Variants in UBASH3B observed in about 807,000 individuals in gnomAD.
UBASH3B encodes ubiquitin-associated and SH3 domain-containing protein B.
In UBASH3B, 37 loss-of-function variants were observed where a neutral mutation model predicts 83.4. The ratio of observed to expected loss-of-function variants is 0.44; its 90% CI spans 0.34 to 0.58. UBASH3B has a LOEUF of 0.58. Among genes scored for constraint, UBASH3B ranks in the 20% least tolerant of loss-of-function variants. UBASH3B has a pLI of 0.01. For missense variants in UBASH3B, 657 were observed against 827.2 expected (o/e 0.79, Z 2.52); for synonymous variants, 304 against 318.3 (o/e 0.96, Z 0.48).
At chr11:122,789,028 A>G (rs1782022164) in intron 5 of UBASH3B, 72 bp from the exon 6 acceptor site, 1 of 1,387,238 alleles carries the variant, frequency 7.2e-7, no homozygotes, top group Non-Finnish European at 1.0e-6. Context: ...TGCAGAACAT[A>G]CAGTCCTGCC....
chr11:122,786,673 T>A (rs921746200), intron 5 of UBASH3B, among the ~76,000 whole-genome samples: 1 of 152,062 alleles, frequency 6.6e-6, no homozygotes, highest in Admixed American at 6.5e-5. Flanking sequence ...AAAAAAGAGT[T>A]CTTACAAGTA....
intron 1 of UBASH3B, among the ~76,000 whole-genome samples, chr11:122,684,412 G>C (rs916807175): frequency 6.6e-6 from 1 of 152,206 alleles, no homozygotes; most frequent in South Asian, 2.1e-4. Context: ...TGAAAATGCT[G>C]TGTGTACTTA....
At chr11:122,671,896 GT>G (rs1565523802) in intron 1 of UBASH3B, among the ~76,000 whole-genome samples, 1 of 152,064 alleles carries the variant, frequency 6.6e-6, no homozygotes, top group Admixed American at 6.5e-5. Context: ...AGTATGTGAA[GT>G]TTTTTTTGGT....
At chr11:122,801,435 A>T in intron 11 of UBASH3B, 103 bp downstream of exon 11, 9 of 1,353,866 alleles carry the variant, frequency 6.6e-6, no homozygotes, top group Non-Finnish European at 9.1e-6. Context: ...CATCACCTAC[A>T]GGCAGTTGTC....
chr11:122,716,959 C>T (rs1860536046), intron 1 of UBASH3B, among the ~76,000 whole-genome samples: 1 of 152,136 alleles, frequency 6.6e-6, no homozygotes, highest in Admixed American at 6.6e-5. Flanking sequence ...TCCCCTTCTC[C>T]CGTCCTGTCT....
intron 1 of UBASH3B, among the ~76,000 whole-genome samples, chr11:122,676,183 C>T (rs1591764103): frequency 6.6e-6 from 1 of 152,246 alleles, no homozygotes; most frequent in Non-Finnish European, 1.5e-5. Context: ...AAGAGGATCG[C>T]TTTGAGCCCA....
rs764248015 is a variant in UBASH3B at position 122,796,287 on chromosome 11, G to C, written c.1234+11G>C. ...GCTTCGATGCCAAAGGTGAGTTGGT[G>C]GTGGGCCTGCTCAGCACTGCCATAC... On this transcript the variant is annotated intron_variant, in intron 8 of 13. Coordinates refer to ENST00000284273, the MANE Select transcript of UBASH3B (RefSeq NM_032873.5). 1 of 1,613,768 alleles carries C rather than the reference G, an allele frequency of 6.2e-7. No homozygotes were observed. Among genetic ancestry groups the C allele is most frequent in the Non-Finnish European group, 8.5e-7 (1 of 1,179,828 alleles).
intron 1 of UBASH3B, among the ~76,000 whole-genome samples, chr11:122,725,063 C>T (rs867761122): frequency 1.4e-5 from 2 of 147,922 alleles, no homozygotes; most frequent in Non-Finnish European, 3.0e-5. Flanking sequence ...CCCCACCCCC[C>T]GATTCAATCA....
chr11:122,716,107 A>C (rs1860520949), intron 1 of UBASH3B, among the ~76,000 whole-genome samples: 1 of 152,226 alleles, frequency 6.6e-6, no homozygotes, highest in Non-Finnish European at 1.5e-5. Context: ...GTGGGGGCAG[A>C]AAAACTGCAC....
chr11:122,673,712 A>T (rs1863629834), intron 1 of UBASH3B, among the ~76,000 whole-genome samples: 1 of 152,156 alleles, frequency 6.6e-6, no homozygotes, highest in Non-Finnish European at 1.5e-5. Flanking sequence ...GCAATTTCTG[A>T]TGATGGAGAG....
In UBASH3B at chr11:122,758,447, C is replaced by T. The variant is rs1272130386; in HGVS notation, c.162-17772C>T. Among the ~76,000 whole-genome samples, 2 of 152,198 alleles carry T rather than the reference C, an allele frequency of 1.3e-5. No individual in the cohort carries two copies. The highest frequency in any genetic ancestry group is 4.8e-5 in the African/African-American group (2 of 41,442). ...CCAGGAACTGTTTTACCAAAAGATT[C>T]CCTCCAGGAGCTTCCCAGACAGGCC... On this transcript the variant is annotated intron_variant, in intron 1 of 13. Coordinates refer to ENST00000284273, the MANE Select transcript of UBASH3B (RefSeq NM_032873.5). The surrounding 1 kb of genome is among the most constrained non-coding windows in gnomAD (Gnocchi z 4.2).
intron 1 of UBASH3B, among the ~76,000 whole-genome samples, chr11:122,764,574 C>T (rs1324914528): frequency 6.6e-6 from 1 of 152,236 alleles, no homozygotes; most frequent in Non-Finnish European, 1.5e-5. Context: ...CTTAGCTATT[C>T]CCCCAAGGCT....
intron 1 of UBASH3B, among the ~76,000 whole-genome samples, chr11:122,720,706 G>C (rs1186535988): frequency 6.6e-6 from 1 of 152,098 alleles, no homozygotes; most frequent in Non-Finnish European, 1.5e-5. Flanking sequence ...CTTCCAGGAA[G>C]GCTCTTCACA....
chr11:122,729,174 G>T (rs928026986), intron 1 of UBASH3B, among the ~76,000 whole-genome samples: 1 of 152,206 alleles, frequency 6.6e-6, no homozygotes. Flanking sequence ...TCTCTGACTA[G>T]GACTGCGGAG....
At position 122,744,911 on chromosome 11, in the gene UBASH3B, G is replaced by A. The variant is rs767755951; in HGVS notation, c.162-31308G>A. On this transcript the variant is annotated intron_variant, in intron 1 of 13. Transcript: ENST00000284273. ...TGTGTGTGTGTGTGCGCGCGCGCGC[G>A]CACTTGGGCACGTGAGTGTGCCGCA... is the stretch of plus-strand genomic sequence containing the variant. Among the ~76,000 whole-genome samples, 7 of 151,410 alleles carry A rather than the reference G, an allele frequency of 4.6e-5. No homozygotes were observed. In the South Asian group the frequency reaches 6.2e-4, roughly 13 times the overall value.
At chr11:122,791,116 G>A (rs897245653) in intron 6 of UBASH3B, among the ~76,000 whole-genome samples, 2 of 152,168 alleles carry the variant, frequency 1.3e-5, no homozygotes, top group Admixed American at 6.5e-5. Flanking sequence ...TCTTTTATTC[G>A]AGAGATTACT....
At position 122,655,826 on chromosome 11, in the gene UBASH3B, G is replaced by T; in HGVS notation, c.-224G>T. 1 of 494,794 alleles carries T rather than the reference G, an allele frequency of 2.0e-6. No homozygotes were observed. The highest frequency in any genetic ancestry group is 3.6e-5 in the East Asian group (1 of 27,862). The allele number at this position is 494,794 out of a possible 1,614,324, so 30.7% of individuals were successfully genotyped here. A position where few individuals can be genotyped will look rare whatever the true frequency, so the allele number is the denominator to read the frequency against. On this transcript the variant is annotated 5_prime_UTR_variant, in exon 1 of 14. Transcript: ENST00000284273. ...GCAGCCGGGGGCCCGAGTGGCTGAG[G>T]CTGGTCCCGCAGCGGCCGCTTGCCG...
chr11:122,787,220 C>T (rs762517182), intron 5 of UBASH3B, among the ~76,000 whole-genome samples: 5 of 152,168 alleles, frequency 3.3e-5, no homozygotes, highest in Non-Finnish European at 5.9e-5. Context: ...ACACATTTAG[C>T]TTTGCAGTTT....
chr11:122,665,840 G>T (rs1476664653), intron 1 of UBASH3B, among the ~76,000 whole-genome samples: 1 of 152,176 alleles, frequency 6.6e-6, no homozygotes, highest in Non-Finnish European at 1.5e-5. Flanking sequence ...GTAGTGCCTT[G>T]AGCCCAGCAC....
Sources: allele counts gnomAD v4.1 joint callset (sites outside exome capture counted in the v4.1 genomes callset), GRCh38; gene constraint gnomAD v4.1.1; non-coding constraint Gnocchi (gnomAD v3.1); transcripts MANE v1.5; gene names NCBI Gene and HGNC (gene_info 2026-07-23, HGNC 2026-07-21).